HSPA12A: variants seen among roughly 807,000 people sequenced by gnomAD.
HSPA12A encodes heat shock protein family A (Hsp70) member 12A, also known as heat shock 70 kDa protein 12A.
A neutral mutation model predicts 69.2 loss-of-function variants in HSPA12A; 28 were observed. The observed-to-expected ratio is 0.40, with a 90% CI of 0.30 to 0.55. The LOEUF (loss-of-function observed/expected upper bound fraction) is 0.55. Ranked by LOEUF, HSPA12A falls within the 20% of genes least tolerant of loss-of-function variation. The pLI is 0.38. For synonymous variants in HSPA12A, 345 were observed against 370.5 expected, an observed-to-expected ratio of 0.93 and a Z score of 0.79; for missense variants, 686 against 900.7, an observed-to-expected ratio of 0.76 and a Z score of 3.05.
chr10:116,836,711 G>A (rs76364437), intron 1 of HSPA12A, among the ~76,000 whole-genome samples: 33 of 152,004 alleles, frequency 2.2e-4, no homozygotes, highest in Admixed American at 3.3e-4. Flanking sequence ...TTAAGACACA[G>A]AATTTCTTCC....
intron 2 of HSPA12A, among the ~76,000 whole-genome samples, chr10:116,815,506 C>T (rs890128647): frequency 6.6e-6 from 1 of 152,076 alleles, no homozygotes; most frequent in African/African-American, 2.4e-5. Flanking sequence ...ACTCAGGACA[C>T]GGAGATGGCA....
intron 1 of HSPA12A, among the ~76,000 whole-genome samples, chr10:116,841,033 C>A (rs1183473456): frequency 6.6e-6 from 1 of 152,218 alleles, no homozygotes; most frequent in Non-Finnish European, 1.5e-5. Flanking sequence ...TCTAGGCACA[C>A]ACACACACAA....
intron 2 of HSPA12A, among the ~76,000 whole-genome samples, chr10:116,785,676 C>T (rs1270355062): frequency 3.9e-5 from 6 of 152,128 alleles, no homozygotes; most frequent in Non-Finnish European, 1.5e-5. Flanking sequence ...CTCTTCCTCT[C>T]GGACAGACAC....
At chr10:116,713,404 C>CTAAATA (rs1850506040) in intron 1 of HSPA12A, among the ~76,000 whole-genome samples, 6 of 152,076 alleles carry the variant, frequency 3.9e-5, no homozygotes, top group Non-Finnish European at 5.9e-5. Flanking sequence ...GTAAAATAAC[C>CTAAATA]ACTCTGCAAA....
At chr10:116,788,010 C>T (rs1367710727) in intron 2 of HSPA12A, among the ~76,000 whole-genome samples, 1 of 152,156 alleles carries the variant, frequency 6.6e-6, no homozygotes, top group Admixed American at 6.5e-5. Flanking sequence ...AGGGCGGGAG[C>T]TCTGCAAGCC....
intron 2 of HSPA12A, among the ~76,000 whole-genome samples, chr10:116,760,108 A>G (rs556120345): frequency 6.6e-6 from 1 of 152,288 alleles, no homozygotes; most frequent in South Asian, 2.1e-4. Flanking sequence ...ATTCTGCCAG[A>G]GCAGCACCTA....
intron 2 of HSPA12A, among the ~76,000 whole-genome samples, chr10:116,782,334 A>T (rs1844480767): frequency 6.6e-6 from 1 of 152,236 alleles, no homozygotes; most frequent in African/African-American, 2.4e-5. Context: ...AGCTGAAGAT[A>T]CGTGAGCTTT....
intron 9 of HSPA12A, 77 bp from the exon 10 acceptor site, chr10:116,679,838 C>T: frequency 2.7e-6 from 4 of 1,492,820 alleles, no homozygotes; most frequent in Non-Finnish European, 3.7e-6. Flanking sequence ...GAAACAGGCC[C>T]ACCTGTTCAT....
chr10:116,707,448 C>T (rs1231860301), intron 1 of HSPA12A, among the ~76,000 whole-genome samples, 163 bp from the exon 2 acceptor site: 4 of 152,240 alleles, frequency 2.6e-5, no homozygotes, highest in African/African-American at 4.8e-5. Context: ...CAGGAACATC[C>T]GTTCCAGCAC....
intron 2 of HSPA12A, among the ~76,000 whole-genome samples, chr10:116,756,947 C>T (rs1298103514): frequency 6.6e-6 from 1 of 152,148 alleles, no homozygotes; most frequent in African/African-American, 2.4e-5. Flanking sequence ...TCTAGGCCTT[C>T]TCCATGGCGT....
intron 2 of HSPA12A, among the ~76,000 whole-genome samples, chr10:116,785,666 C>G (rs187233055): frequency 1.1e-4 from 16 of 152,258 alleles, no homozygotes; most frequent in African/African-American, 3.4e-4. Flanking sequence ...TGATCCCTCT[C>G]TCTTCCTCTC....
At chr10:116,777,489 C>T (rs926767311) in intron 2 of HSPA12A, among the ~76,000 whole-genome samples, 1 of 152,212 alleles carries the variant, frequency 6.6e-6, no homozygotes, top group African/African-American at 2.4e-5. Flanking sequence ...ACACCCAGTT[C>T]CCAAGAGCCT....
At chr10:116,726,563 G>T (rs376124371) in intron 1 of HSPA12A, among the ~76,000 whole-genome samples, 2 of 151,902 alleles carry the variant, frequency 1.3e-5, no homozygotes, top group Non-Finnish European at 2.9e-5. Context: ...GGTGTCCTTG[G>T]GTAGACCATC....
chr10:116,768,547 C>T (rs556812960), intron 2 of HSPA12A, among the ~76,000 whole-genome samples: 2 of 152,260 alleles, frequency 1.3e-5, no homozygotes, highest in African/African-American at 4.8e-5. Flanking sequence ...AAATATATAG[C>T]CTCCACTCCC....
intron 2 of HSPA12A, among the ~76,000 whole-genome samples, chr10:116,758,069 A>G (rs1554888961): frequency 3.3e-5 from 5 of 152,226 alleles, no homozygotes; most frequent in African/African-American, 1.2e-4. Flanking sequence ...TATAACAAGA[A>G]CAGGATCAAT....
intron 2 of HSPA12A, among the ~76,000 whole-genome samples, chr10:116,783,063 A>G (rs1377973634): frequency 1.3e-5 from 2 of 152,164 alleles, no homozygotes; most frequent in African/African-American, 4.8e-5. Flanking sequence ...TTTCCCACGT[A>G]ATCCACACAG....
chr10:116,687,025 G>A (rs1437230261), intron 6 of HSPA12A, among the ~76,000 whole-genome samples: 3 of 152,180 alleles, frequency 2.0e-5, no homozygotes, highest in Non-Finnish European at 2.9e-5. Flanking sequence ...GAAGAGCCCT[G>A]GGTAAAATTC....
At chr10:116,692,009 C>G (rs1849751230) in intron 6 of HSPA12A, among the ~76,000 whole-genome samples, 1 of 152,236 alleles carries the variant, frequency 6.6e-6, no homozygotes, top group African/African-American at 2.4e-5. Context: ...CCTTAAGGTT[C>G]TCACTTCATT....
chr10:116,833,197 C>T (rs1845651649), intron 2 of HSPA12A: 1 of 152,222 alleles, frequency 6.6e-6, no homozygotes, highest in African/African-American at 2.4e-5. Context: ...CATGTTCCGT[C>T]TGTTCACGTG....
Sources: allele counts gnomAD v4.1 joint callset (sites outside exome capture counted in the v4.1 genomes callset), GRCh38; gene constraint gnomAD v4.1.1; transcripts MANE v1.5; gene names NCBI Gene and HGNC (gene_info 2026-07-23, HGNC 2026-07-21).